MAP4K5: variants seen among roughly 807,000 people sequenced by gnomAD.
MAP4K5 encodes the protein mitogen-activated protein kinase kinase kinase kinase 5.
In MAP4K5, 82 loss-of-function variants were observed where a neutral mutation model predicts 135.6. The observed-to-expected ratio is 0.60, with a 90% CI of 0.51 to 0.73. MAP4K5 has a LOEUF of 0.73. MAP4K5 is among the 30% of genes least tolerant of loss of function. The pLI is 0.00. For missense variants in MAP4K5, 907 were observed against 1,010.9 expected, an observed-to-expected ratio of 0.90 and a Z score of 1.39; for synonymous variants, 347 against 335.0, an observed-to-expected ratio of 1.04 and a Z score of -0.39.
intron 7 of MAP4K5, 23 bp from the exon 8 acceptor site, chr14:50,476,193 A>G: frequency 1.3e-6 from 2 of 1,486,500 alleles, no homozygotes; most frequent in South Asian, 1.3e-5. Context: ...TACAAATACA[A>G]TTAAATTAGC....
intron 2 of MAP4K5, among the ~76,000 whole-genome samples, chr14:50,529,175 G>A (rs1347293209): frequency 6.6e-6 from 1 of 152,032 alleles, no homozygotes; most frequent in Admixed American, 6.6e-5. Context: ...TTAAGCTCAG[G>A]AGTTCGAGAC....
upstream of MAP4K5, among the ~76,000 whole-genome samples, chr14:50,535,165 A>G (rs1265629498): frequency 6.6e-6 from 1 of 152,214 alleles, no homozygotes; most frequent in East Asian, 1.9e-4. Context: ...GGTTTGCCAC[A>G]TGCTTTGTAA....
At chr14:50,527,998 C>T (rs1236406227) in intron 2 of MAP4K5, among the ~76,000 whole-genome samples, 2 of 152,058 alleles carry the variant, frequency 1.3e-5, no homozygotes, top group African/African-American at 4.8e-5. Context: ...GTTATAGATC[C>T]TTGTGGTCAG....
chr14:50,546,021 A>C (rs1210554346), intron 1 of MAP4K5, among the ~76,000 whole-genome samples: 1 of 152,202 alleles, frequency 6.6e-6, no homozygotes, highest in Non-Finnish European at 1.5e-5. Flanking sequence ...GTTGAAATCA[A>C]ACTCACTGTT....
intron 2 of MAP4K5, among the ~76,000 whole-genome samples, chr14:50,522,145 T>A (rs1040057772): frequency 6.6e-6 from 1 of 152,070 alleles, no homozygotes; most frequent in African/African-American, 2.4e-5. Flanking sequence ...CTTCATAAAA[T>A]ACACTGGAAA....
intron 3 of MAP4K5, among the ~76,000 whole-genome samples, chr14:50,486,894 G>A (rs941475405): frequency 1.3e-5 from 2 of 152,154 alleles, no homozygotes; most frequent in African/African-American, 2.4e-5. Flanking sequence ...AAAAAGTTCA[G>A]TGGTGTCCAG....
chr14:50,532,240 C>A, intron 1 of MAP4K5, 82 bp from the exon 2 acceptor site: 1 of 548,714 alleles, frequency 1.8e-6, no homozygotes, highest in Non-Finnish European at 3.2e-6. Flanking sequence ...CCGGCCCCTT[C>A]CCTTCCGTCC....
intron 2 of MAP4K5, among the ~76,000 whole-genome samples, chr14:50,537,818 A>G (rs1049726562): frequency 2.0e-5 from 3 of 152,196 alleles, no homozygotes; most frequent in Admixed American, 6.5e-5. Context: ...TAGTTACCCA[A>G]TGCCTGTACT....
In MAP4K5 at chr14:50,490,705, C is replaced by G. The variant is rs560314572; in HGVS notation, c.167-4511G>C. On this transcript the variant is annotated intron_variant, in intron 3 of 32. Coordinates refer to ENST00000682126, the MANE Select transcript of MAP4K5 (RefSeq NM_006575.6). ...AACAAGTTACACTACAAAGATACAG[C>G]CTTAGTATCTGGGGTCACCTTGAGG... Among the ~76,000 whole-genome samples the G allele has an allele frequency of 2.6e-5, 4 of 152,268 alleles. No homozygotes were observed. The South Asian group carries it at 8.3e-4, about 32-fold the overall frequency.
chr14:50,515,093 G>A (rs1595535673), intron 2 of MAP4K5, among the ~76,000 whole-genome samples: 2 of 152,108 alleles, frequency 1.3e-5, no homozygotes, highest in South Asian at 2.1e-4. Flanking sequence ...TAGTACAGAC[G>A]AGGTTTCACC....
chr14:50,442,138 T>C (rs555100273), intron 21 of MAP4K5, among the ~76,000 whole-genome samples: 1 of 152,136 alleles, frequency 6.6e-6, no homozygotes, highest in South Asian at 2.1e-4. Context: ...AAACATAGTC[T>C]ACATTTTAAA....
intron 14 of MAP4K5, among the ~76,000 whole-genome samples, chr14:50,451,939 T>G (rs1381514956): frequency 6.6e-6 from 1 of 152,194 alleles, no homozygotes; most frequent in African/African-American, 2.4e-5. Context: ...ACAAGTTTTC[T>G]GACTTTCTCG....
rs955240878 is a variant in MAP4K5 at position 50,524,672 on chromosome 14, G to C, written c.108+7270C>G. On this transcript the variant is annotated intron_variant, in intron 2 of 32. Transcript: ENST00000682126. ...AAAGAGTAGGCGATAAGATGGAAGA[G>C]AAAGAGTGTTCTAAAGGAATACCTG... Among the ~76,000 whole-genome samples the C allele has an allele frequency of 2.6e-5, 4 of 151,880 alleles. No individual in the cohort carries two copies. In the South Asian group the frequency reaches 6.2e-4, roughly 24 times the overall value.
chr14:50,436,324 T>G (rs542878885), intron 26 of MAP4K5, among the ~76,000 whole-genome samples: 1 of 152,314 alleles, frequency 6.6e-6, no homozygotes, highest in African/African-American at 2.4e-5. Flanking sequence ...GCCTTTGGAA[T>G]GTCATGCTTG....
chr14:50,512,111 T>C (rs1016233765), intron 2 of MAP4K5, among the ~76,000 whole-genome samples: 1 of 152,126 alleles, frequency 6.6e-6, no homozygotes, highest in Non-Finnish European at 1.5e-5. Context: ...TAACGCAAGA[T>C]GTTAATAAAA....
At chr14:50,493,163 G>C (rs1486213002) in intron 3 of MAP4K5, among the ~76,000 whole-genome samples, 2 of 152,056 alleles carry the variant, frequency 1.3e-5, no homozygotes, top group African/African-American at 4.8e-5. Context: ...GCAGGGACAC[G>C]ATCATTGCTC....
rs892931103 is a variant in MAP4K5 at position 50,427,307 on chromosome 14, T to C, written c.2327-1330A>G. ...CTCTCTCAAAAATGTTAAATCCAAATTGGCATGTAATATAAGGAGTAAAAG... is the reference window on the plus strand; with the variant it reads ...CTCTCTCAAAAATGTTAAATCCAAACTGGCATGTAATATAAGGAGTAAAAG... On this transcript the variant is annotated intron_variant, in intron 30 of 32. Transcript: ENST00000682126. Among the ~76,000 whole-genome samples, 6 of 152,186 alleles carry C rather than the reference T, an allele frequency of 3.9e-5. No individual in the cohort carries two copies. The South Asian group carries it at 6.2e-4, about 16-fold the overall frequency.
chr14:50,447,896 C>T (rs1257617747), intron 15 of MAP4K5, among the ~76,000 whole-genome samples: 1 of 17,028 alleles, frequency 5.9e-5, no homozygotes, highest in African/African-American at 6.4e-5. Flanking sequence ...TTTTATCATA[C>T]AGCAACATAT....
intron 6 of MAP4K5, among the ~76,000 whole-genome samples, chr14:50,477,538 C>A (rs2037129078): frequency 6.6e-6 from 1 of 152,154 alleles, no homozygotes; most frequent in Non-Finnish European, 1.5e-5. Flanking sequence ...CAGACTTCAT[C>A]ACCCTGTTTG....
Sources: allele counts gnomAD v4.1 joint callset (sites outside exome capture counted in the v4.1 genomes callset), GRCh38; gene constraint gnomAD v4.1.1; transcripts MANE v1.5; gene names NCBI Gene and HGNC (gene_info 2026-07-23, HGNC 2026-07-21).